The following MAP2K5 variants were observed in gnomAD, a reference collection of about 807,000 sequenced individuals.
The protein encoded by MAP2K5 is mitogen-activated protein kinase kinase 5, also known as dual specificity mitogen-activated protein kinase kinase 5.
Under a neutral mutation model 83.1 loss-of-function variants are expected in MAP2K5, and 49 were observed. That is an observed-to-expected ratio of 0.59 (90% CI 0.47 to 0.75). The LOEUF (loss-of-function observed/expected upper bound fraction) is 0.75, where lower values mean the gene tolerates loss of function less well. Among genes scored for constraint, MAP2K5 ranks in the 30% least tolerant of loss-of-function variants. MAP2K5 has a pLI of 0.00. For synonymous variants in MAP2K5, 202 were observed against 191.8 expected (o/e 1.05, Z -0.44); for missense variants, 457 against 557.5 (o/e 0.82, Z 1.82).
rs1237364124 is a variant in MAP2K5, at chr15:67,755,309, G to C, written c.1134+6708G>C. Reference sequence around the variant, plus strand: ...AGCTTTTTAGTAACATTGTTATAAAGTAGGCTCTTCCCTTATTTTTCTCCT... The same window carrying C: ...AGCTTTTTAGTAACATTGTTATAAACTAGGCTCTTCCCTTATTTTTCTCCT... On this transcript the variant is annotated intron_variant, in intron 19 of 21. Coordinates refer to ENST00000178640, the MANE Select transcript of MAP2K5 (RefSeq NM_145160.3). This position sits in a 1 kb window ranked among gnomAD's most constrained non-coding sequence, Gnocchi z 4.7. Among the ~76,000 whole-genome samples, 1 of 152,066 alleles carries C rather than the reference G, an allele frequency of 6.6e-6. No homozygotes were observed. The highest frequency in any genetic ancestry group is 1.5e-5 in the Non-Finnish European group (1 of 67,992).
chr15:67,642,559 T>A, intron 9 of MAP2K5: 1 of 931,880 alleles, frequency 1.1e-6, no homozygotes, highest in East Asian at 2.4e-5. Flanking sequence ...ACAGGTTTTT[T>A]CAATCAGTGC....
chr15:67,657,775 CAT>C (rs1298167432), intron 11 of MAP2K5, among the ~76,000 whole-genome samples: 2 of 151,514 alleles, frequency 1.3e-5, no homozygotes, highest in East Asian at 1.9e-4. Flanking sequence ...TACTTGCATA[CAT>C]ATGTTTGTAT....
intron 17 of MAP2K5, among the ~76,000 whole-genome samples, chr15:67,730,926 G>A (rs539695670): frequency 6.6e-6 from 1 of 152,232 alleles, no homozygotes; most frequent in Non-Finnish European, 1.5e-5. Context: ...TAACTCTGAG[G>A]TGTCAGTTTC....
chr15:67,642,998 C>A (rs936285226), intron 9 of MAP2K5, among the ~76,000 whole-genome samples: 5 of 152,022 alleles, frequency 3.3e-5, no homozygotes, highest in African/African-American at 1.2e-4. Context: ...GATTCTCAAC[C>A]TTACTTTGGG....
chr15:67,712,761 A>G (rs921085695), intron 16 of MAP2K5, among the ~76,000 whole-genome samples: 6 of 152,184 alleles, frequency 3.9e-5, no homozygotes, highest in African/African-American at 1.4e-4. Context: ...TACTAAAAAT[A>G]CAAAAAATTA....
Position 67,769,594 on chromosome 15 carries a change from C to T in MAP2K5, c.1135-8C>T. On this transcript the variant is annotated splice_polypyrimidine_tract_variant and splice_region_variant and intron_variant, in intron 19 of 21. Coordinates refer to ENST00000178640, the MANE Select transcript of MAP2K5 (RefSeq NM_145160.3). This position sits in a 1 kb window ranked among gnomAD's most constrained non-coding sequence, Gnocchi z 5.2. ...GACTTTTGGTGACATGTTTTTCCTCCATCACAGGATTCGCCCGTCCTTCCA... is the reference window on the plus strand; with the variant it reads ...GACTTTTGGTGACATGTTTTTCCTCTATCACAGGATTCGCCCGTCCTTCCA... The T allele has an allele frequency of 6.2e-7, 1 of 1,613,496 alleles. No individual in the cohort carries two copies. Among genetic ancestry groups the T allele is most frequent in the Non-Finnish European group, 8.5e-7 (1 of 1,179,578 alleles).
At chr15:67,707,346 A>G (rs892483823) in intron 16 of MAP2K5, among the ~76,000 whole-genome samples, 6 of 152,244 alleles carry the variant, frequency 3.9e-5, no homozygotes, top group Non-Finnish European at 5.9e-5. Flanking sequence ...GAATAGATGT[A>G]GCAAATCCAA....
chr15:67,646,195 G>T, intron 9 of MAP2K5, 36 bp from the exon 10 acceptor site: 1 of 857,616 alleles, frequency 1.2e-6, no homozygotes, highest in South Asian at 1.8e-5. Context: ...AATATAATTA[G>T]AAGATTAAAA....
intron 15 of MAP2K5, among the ~76,000 whole-genome samples, chr15:67,694,574 A>G (rs190314692): frequency 6.6e-6 from 1 of 152,296 alleles, no homozygotes; most frequent in Admixed American, 6.5e-5. Flanking sequence ...ATCTCACACC[A>G]GTTAGAATGG....
At chr15:67,767,947 C>G (rs1272182193) in intron 19 of MAP2K5, among the ~76,000 whole-genome samples, 1 of 152,154 alleles carries the variant, frequency 6.6e-6, no homozygotes, top group Non-Finnish European at 1.5e-5. Flanking sequence ...TTTAGAATTG[C>G]TAACCATCCC....
At chr15:67,772,810 T>C in intron 21 of MAP2K5, 58 bp downstream of exon 21, 1 of 1,422,032 alleles carries the variant, frequency 7.0e-7, no homozygotes, top group Non-Finnish European at 9.7e-7. Context: ...TGTTTAACAT[T>C]CTGTTTAAAA....
rs1263025849 is a variant in MAP2K5 at position 67,573,927 on chromosome 15, A to G, written c.253-6827A>G. ...GCTTTGTTATTTTACATATAAACAA[A>G]CATTGTACATAAGGTAGATGTGTTC... is the stretch of plus-strand genomic sequence containing the variant. On this transcript the variant is annotated intron_variant, in intron 3 of 21. Transcript: ENST00000178640. The surrounding 1 kb of genome is among the most constrained non-coding windows in gnomAD (Gnocchi z 4.2). Among the ~76,000 whole-genome samples, 8 of 152,198 alleles carry G rather than the reference A, an allele frequency of 5.3e-5. No homozygotes were observed. The highest frequency in any genetic ancestry group is 2.0e-4 in the Admixed American group (3 of 15,282).
intron 12 of MAP2K5, among the ~76,000 whole-genome samples, chr15:67,663,327 A>G (rs1023351008): frequency 2.6e-5 from 4 of 152,174 alleles, no homozygotes; most frequent in Non-Finnish European, 5.9e-5. Context: ...AGGATTATTC[A>G]TTGCATTTGG....
rs551739587 is a variant in MAP2K5, at chr15:67,644,186, G to A, written c.586-2045G>A. ...AGGCAGGTGGATCACCTGAGGTCAG[G>A]AATTCGAGACCAGCCTGGCCAACAT... On this transcript the variant is annotated intron_variant, in intron 9 of 21. Transcript: ENST00000178640. This position sits in a 1 kb window ranked among gnomAD's most constrained non-coding sequence, Gnocchi z 4.6. Among the ~76,000 whole-genome samples the A allele has an allele frequency of 2.6e-5, 4 of 152,244 alleles. No individual in the cohort carries two copies. In the South Asian group the frequency reaches 8.3e-4, roughly 32 times the overall value.
chr15:67,806,158 T>C (rs1462274673), intron 21 of MAP2K5, among the ~76,000 whole-genome samples: 1 of 152,144 alleles, frequency 6.6e-6, no homozygotes, highest in Admixed American at 6.5e-5. Flanking sequence ...TTGCAGGTGG[T>C]GACTTCTTTT....
chr15:67,699,372 C>T (rs2088352477), intron 15 of MAP2K5, among the ~76,000 whole-genome samples: 1 of 152,172 alleles, frequency 6.6e-6, no homozygotes, highest in Non-Finnish European at 1.5e-5. Context: ...TGCTAGAAGC[C>T]TAAATGGCTA....
chr15:67,693,897 C>T (rs899478811), intron 15 of MAP2K5, among the ~76,000 whole-genome samples: 1 of 151,960 alleles, frequency 6.6e-6, no homozygotes, highest in Admixed American at 6.6e-5. Flanking sequence ...CTCAAGTATC[C>T]CCAAATGTCA....
At chr15:67,641,226 A>G (rs551994096) in intron 9 of MAP2K5, among the ~76,000 whole-genome samples, 15 of 152,322 alleles carry the variant, frequency 9.8e-5, no homozygotes, top group South Asian at 2.1e-4. Flanking sequence ...GCATGTGCCA[A>G]TTATCATTCT....
Position 67,717,672 on chromosome 15 carries a change from A to G in MAP2K5, c.1045-10244A>G, listed in dbSNP as rs2088859735. 6.6e-6 allele frequency among the ~76,000 whole-genome samples: 1 copy of G among 152,284 alleles called. No individual in the cohort carries two copies. Among genetic ancestry groups the G allele is most frequent in the Admixed American group, 6.5e-5 (1 of 15,292 alleles). Reference sequence around the variant, plus strand: ...TTCTATGTAGCATCAAAAGCCTCTCATGAGGTTGCAGTTGGGTAGTGGTTA... The same window carrying G: ...TTCTATGTAGCATCAAAAGCCTCTCGTGAGGTTGCAGTTGGGTAGTGGTTA... On this transcript the variant is annotated intron_variant, in intron 16 of 21. Coordinates refer to ENST00000178640, the MANE Select transcript of MAP2K5 (RefSeq NM_145160.3). The surrounding 1 kb of genome is among the most constrained non-coding windows in gnomAD (Gnocchi z 4.1).
Sources: allele counts gnomAD v4.1 joint callset (sites outside exome capture counted in the v4.1 genomes callset), GRCh38; gene constraint gnomAD v4.1.1; non-coding constraint Gnocchi (gnomAD v3.1); transcripts MANE v1.5; gene names NCBI Gene and HGNC (gene_info 2026-07-23, HGNC 2026-07-21).